The following C11orf91 variants were observed in gnomAD, a reference collection of about 807,000 sequenced individuals.
The protein encoded by C11orf91 is uncharacterized protein C11orf91.
C11orf91 carries 10 observed loss-of-function variants against 14.3 expected under a neutral mutation model. The observed-to-expected ratio is 0.70, with a 90% CI of 0.43 to 1.18. The LOEUF (loss-of-function observed/expected upper bound fraction) is 1.18, where lower values mean the gene tolerates loss of function less well. Among genes scored for constraint, C11orf91 ranks in the 50% most tolerant of loss-of-function variants. The pLI, the probability that C11orf91 is intolerant of heterozygous loss-of-function variation, is 0.00. For missense variants in C11orf91, 236 were observed against 269.0 expected (o/e 0.88, Z 0.86); for synonymous variants, 141 against 130.6 (o/e 1.08, Z -0.54).
upstream of C11orf91, chr11:33,703,391 C>G (rs1487550896): frequency 1.3e-5 from 2 of 152,214 alleles, no homozygotes; most frequent in Admixed American, 6.5e-5. Flanking sequence ...GATGAAAGAA[C>G]AGTCTTGAAT....
upstream of C11orf91, chr11:33,705,036 T>C (rs561546156): frequency 6.6e-6 from 1 of 152,314 alleles, no homozygotes; most frequent in South Asian, 2.1e-4. Flanking sequence ...TGGTCCTATG[T>C]ACTTGCAGAG....
intron 1 of C11orf91, 147 bp downstream of exon 1, chr11:33,700,098 A>C: frequency 1.3e-6 from 1 of 799,452 alleles, no homozygotes; most frequent in South Asian, 1.8e-5. Context: ...AGGATAAGGG[A>C]GTCTGGGTGC....
At chr11:33,704,019 G>T (rs1853207840), upstream of C11orf91, 1 of 152,360 alleles carries the variant, frequency 6.6e-6, no homozygotes, top group South Asian at 2.1e-4. Flanking sequence ...AGCCTTCTCT[G>T]TCCCAAGGAG....
chr11:33,703,507 C>T (rs994078026), upstream of C11orf91: 1 of 152,270 alleles, frequency 6.6e-6, no homozygotes, highest in South Asian at 2.1e-4. Context: ...CTTCCTAACG[C>T]CCCTGCTCCC....
chr11:33,699,694 AG>A (rs1179485878), intron 1 of C11orf91: 5 of 454,270 alleles, frequency 1.1e-5, no homozygotes, highest in Non-Finnish European at 2.2e-5. Context: ...ACAGAGTCCC[AG>A]GGGGGCTGCC....
chr11:33,699,501 A>G, intron 1 of C11orf91: 2 of 454,478 alleles, frequency 4.4e-6, no homozygotes, highest in South Asian at 1.6e-5. Context: ...CTACTTTGCA[A>G]TAGGTCCTTC....
intron 1 of C11orf91, chr11:33,699,568 C>CT (rs1564961826): frequency 2.2e-6 from 1 of 456,304 alleles, no homozygotes. Context: ...TCATTCAGCT[C>CT]GTAGGCTGAG....
In C11orf91 at chr11:33,698,532, A is replaced by T; in HGVS notation, c.497-18T>A. On this transcript the variant is annotated intron_variant, in intron 1 of 1. Transcript: ENST00000379011. The stretch of plus-strand genomic sequence containing the variant: ...GAATGTGTCTGCAGGAGAGCAAAAC[A>T]AACTTAGCCGTAATAGAGATAAGGG... 6.6e-7 allele frequency: 1 copy of T among 1,519,140 alleles called. No individual in the cohort carries two copies. The allele number at this position is 1,519,140 out of a possible 1,614,324, so 94.1% of individuals were successfully genotyped here.
Position 33,700,741 on chromosome 11 carries a change from C to A in C11orf91, c.-1G>T. 4 of 1,356,920 alleles carry A rather than the reference C, an allele frequency of 2.9e-6. No homozygotes were observed. Among genetic ancestry groups the A allele is most frequent in the Non-Finnish European group, 3.8e-6 (4 of 1,052,112 alleles). The allele number at this position is 1,356,920 out of a possible 1,614,324, so 84.1% of individuals were successfully genotyped here. The stretch of plus-strand genomic sequence containing the variant: ...GGCTGCCGCGCCGCCCCTTTGGCAT[C>A]GTTTGAATGAGGGTCTGCGTGGGAG... On this transcript the variant is annotated 5_prime_UTR_variant, in exon 1 of 2. Transcript: ENST00000379011.
chr11:33,700,475 G>C lies in C11orf91; in HGVS notation c.266C>G (p.Pro89Arg). 1 of 1,423,384 alleles carries C rather than the reference G, an allele frequency of 7.0e-7. No homozygotes were observed. The highest frequency in any genetic ancestry group is 1.5e-5 in the South Asian group (1 of 67,640). The allele number at this position is 1,423,384 out of a possible 1,614,324, so 88.2% of individuals were successfully genotyped here. A position where few individuals can be genotyped will look rare whatever the true frequency, so the allele number is the denominator to read the frequency against. ...PPGLGPSSER[P>R]WPSPWPSGLA... The stretch of plus-strand genomic sequence containing the variant: ...GCCGGAGGGCCAGGGCGAGGGCCAG[G>C]GGCGCTCGCTGGAGGGACCCAGGCC... Residue 89 changes from proline (P) to arginine (R), a missense_variant, in exon 1 of 2, where the codon CCC becomes CGC. Physicochemically the swap from Pro to Arg is moderately radical, Grantham distance 103. Coordinates refer to ENST00000379011, the MANE Select transcript of C11orf91 (RefSeq NM_001166692.2).
chr11:33,698,780 T>TC (rs1209914129), intron 1 of C11orf91, among the ~76,000 whole-genome samples: 25 of 143,252 alleles, frequency 1.7e-4, no homozygotes, highest in Middle Eastern at 3.6e-3. Context: ...TCTAATTTTT[T>TC]TTTTTTTTTT....
chr11:33,700,354 G>C lies in C11orf91; in HGVS notation c.387C>G (p.Thr129=). ...VASPLVPCPS[T]PRLASASHPE... ...GGTGGGAGGCAGAGGCGAGCCTGGG[G>C]GTCGAGGGGCAGGGGACCAGGGGCG... is the stretch of plus-strand genomic sequence containing the variant. The change falls in exon 1 of 2, where the codon ACC becomes ACG. Residue 129 remains threonine, a synonymous_variant. Coordinates refer to ENST00000379011, the MANE Select transcript of C11orf91 (RefSeq NM_001166692.2). 4 of 1,535,414 alleles carry C rather than the reference G, an allele frequency of 2.6e-6. No homozygotes were observed. The highest frequency in any genetic ancestry group is 3.5e-6 in the Non-Finnish European group (4 of 1,146,672).
chr11:33,700,536 G>T lies in C11orf91; in HGVS notation c.205C>A (p.Leu69Ile). The T allele has an allele frequency of 7.3e-7, 1 of 1,363,380 alleles. No homozygotes were observed. Among genetic ancestry groups the T allele is most frequent in the Non-Finnish European group, 9.4e-7 (1 of 1,068,592 alleles). 84.5% of individuals were successfully genotyped at this position (1,363,380 alleles called of 1,614,324 possible). Residue 69 changes from leucine to isoleucine, a missense_variant, in exon 1 of 2, where the codon CTC (leucine) becomes ATC (isoleucine). Coordinates refer to ENST00000379011, the MANE Select transcript of C11orf91 (RefSeq NM_001166692.2). ...GGGGGCGGGGGCGCCGGGGCGGGGA[G>T]CGCCTGGGACAGGGACCGGGCCCCC... ...AAGARSLSQA[L>I]PAPAPPPPPP...
At position 33,700,775 on chromosome 11, in the gene C11orf91, C is replaced by T. The variant is rs1220713282; in HGVS notation, c.-35G>A. ...GAGGGTCTGCGTGGGAGGAACCCCGCGCCGGGAGACGCGCGCTCAGGCCCC... is the reference window on the plus strand; with the variant it reads ...GAGGGTCTGCGTGGGAGGAACCCCGTGCCGGGAGACGCGCGCTCAGGCCCC... On this transcript the variant is annotated 5_prime_UTR_variant, in exon 1 of 2. Coordinates refer to ENST00000379011, the MANE Select transcript of C11orf91 (RefSeq NM_001166692.2). 1 of 1,263,424 alleles carries T rather than the reference C, an allele frequency of 7.9e-7. No individual in the cohort carries two copies. Among genetic ancestry groups the T allele is most frequent in the Non-Finnish European group, 9.9e-7 (1 of 1,005,666 alleles). The allele number at this position is 1,263,424 out of a possible 1,614,324, so 78.3% of individuals were successfully genotyped here.
chr11:33,698,837 G>A (rs1026416938), intron 1 of C11orf91, among the ~76,000 whole-genome samples: 3 of 139,572 alleles, frequency 2.1e-5, no homozygotes, highest in Non-Finnish European at 4.5e-5. Context: ...TTGGAGTGCA[G>A]TGGCACAATC....
intron 1 of C11orf91, chr11:33,699,399 C>A: frequency 2.7e-6 from 1 of 371,076 alleles, no homozygotes; most frequent in Non-Finnish European, 5.5e-6. Context: ...TTAGAACTAT[C>A]TGCCCTTCTC....
At position 33,700,271 on chromosome 11, in the gene C11orf91, G is replaced by T; in HGVS notation, c.470C>A (p.Thr157Asn). The T allele has an allele frequency of 2.6e-6, 4 of 1,534,674 alleles. No homozygotes were observed. The highest frequency in any genetic ancestry group is 3.5e-6 in the Non-Finnish European group (4 of 1,146,270). The change falls in exon 1 of 2, where the codon ACT (threonine) becomes AAT (asparagine). Residue 157 changes from threonine (T) to asparagine (N), a missense_variant. Thr to Asn is a moderately conservative substitution (Grantham distance 65). Coordinates refer to ENST00000379011, the MANE Select transcript of C11orf91 (RefSeq NM_001166692.2). ...RIKELELLTI[T>N]GDGFDSQSYT... ...GCTCTGGGAGTCGAAGCCGTCCCCA[G>T]TGATGGTGAGCAACTCCAGCTCCTT...
upstream of C11orf91, chr11:33,705,168 G>A (rs965173798): frequency 3.3e-5 from 5 of 152,172 alleles, no homozygotes; most frequent in African/African-American, 1.2e-4. Context: ...TGCTACCTTG[G>A]GCAAAATAAC....
upstream of C11orf91, chr11:33,705,190 CT>C (rs1394666241): frequency 6.6e-6 from 1 of 152,350 alleles, no homozygotes; most frequent in East Asian, 1.9e-4. Flanking sequence ...GTAGCTAACA[CT>C]TAGTGACCAC....
Sources: gnomAD v4.1 joint callset for allele counts (sites outside exome capture counted in the v4.1 genomes callset) on GRCh38, gnomAD v4.1.1 for gene constraint, MANE v1.5 for transcripts, NCBI Gene and HGNC (gene_info 2026-07-23, HGNC 2026-07-21) for gene names.